Variants in CNIH3 observed in about 807,000 individuals in gnomAD.
CNIH3 encodes protein cornichon homolog 3.
CNIH3 carries 14 observed loss-of-function variants against 24.1 expected under a neutral mutation model. The ratio of observed to expected loss-of-function variants is 0.58; its 90% CI spans 0.38 to 0.91. The LOEUF is 0.91. Among genes scored for constraint, CNIH3 ranks in the 40% least tolerant of loss-of-function variants. The pLI, the probability that CNIH3 is intolerant of heterozygous loss-of-function variation, is 0.00. For synonymous variants in CNIH3, 68 were observed against 73.8 expected (o/e 0.92, Z 0.40); for missense variants, 178 against 196.8 (o/e 0.90, Z 0.57).
In CNIH3 at chr1:224,616,366, G is replaced by C. The variant is rs917800472; in HGVS notation, c.-809G>C. On this transcript the variant is annotated 5_prime_UTR_variant, in exon 1 of 6. Coordinates refer to ENST00000272133, the MANE Select transcript of CNIH3 (RefSeq NM_152495.2). ...GCGGCGGCAGCGGCAGCAGCAGGTG[G>C]AGCGAGCTACAGCGTTTGGCCTGAA... 3.0e-6 allele frequency: 2 copies of C among 667,438 alleles called. No individual in the cohort carries two copies. The highest frequency in any genetic ancestry group is 3.8e-6 in the Non-Finnish European group (2 of 522,102). The allele number at this position is 667,438 out of a possible 1,614,324, so 41.3% of individuals were successfully genotyped here.
intron 5 of CNIH3, among the ~76,000 whole-genome samples, chr1:224,584,999 C>T (rs950768680): frequency 1.3e-5 from 2 of 152,208 alleles, no homozygotes; most frequent in African/African-American, 4.8e-5. Context: ...AGCATGAATT[C>T]ATGTGAAAAA....
chr1:224,686,977 C>T (rs557026221), intron 3 of CNIH3, among the ~76,000 whole-genome samples: 1 of 152,362 alleles, frequency 6.6e-6, no homozygotes, highest in South Asian at 2.1e-4. Flanking sequence ...TTTGTACATG[C>T]TCCTTTTTCC....
intron 1 of CNIH3, among the ~76,000 whole-genome samples, chr1:224,674,581 C>T (rs1686043905): frequency 6.6e-6 from 1 of 151,988 alleles, no homozygotes; most frequent in Admixed American, 6.5e-5. Context: ...CAGTGAGCTT[C>T]CATGGATAGT....
At chr1:224,571,704 G>A (rs551425671) in intron 4 of CNIH3, among the ~76,000 whole-genome samples, 2 of 152,094 alleles carry the variant, frequency 1.3e-5, no homozygotes, top group African/African-American at 4.8e-5. Flanking sequence ...CAGCCTTGGC[G>A]ACAGAGTGAG....
Position 224,568,106 on chromosome 1 carries a change from A to G in CNIH3, n.516+1842A>G, listed in dbSNP as rs914843967. Among the ~76,000 whole-genome samples, 3 of 152,296 alleles carry G rather than the reference A, an allele frequency of 2.0e-5. No individual in the cohort carries two copies. In the South Asian group the frequency reaches 6.2e-4, roughly 32 times the overall value. On this transcript the variant is annotated intron_variant and non_coding_transcript_variant, in intron 4 of 5. Coordinates refer to the CNIH3 transcript ENST00000471578. ...GGAGATCAAGACCATCCTGGCCAAC[A>G]TGGTAAAACCCCGTCTTTACTAAAA... is the stretch of plus-strand genomic sequence containing the variant.
chr1:224,585,022 A>G (rs1464493398), intron 5 of CNIH3, among the ~76,000 whole-genome samples: 1 of 152,242 alleles, frequency 6.6e-6, no homozygotes, highest in Non-Finnish European at 1.5e-5. Context: ...CTTGAAGAGC[A>G]TTCAGTTTTC....
chr1:224,475,507 T>C (rs7546145), intron 1 of CNIH3, among the ~76,000 whole-genome samples: 149,532 of 152,308 alleles, frequency 0.98, 73,452 homozygotes, highest in East Asian at 1. Flanking sequence ...AATTCCTAGA[T>C]ACATACAACC....
chr1:224,447,800 C>A (rs1316110072), intron 1 of CNIH3, among the ~76,000 whole-genome samples: 1 of 152,202 alleles, frequency 6.6e-6, no homozygotes, highest in African/African-American at 2.4e-5. Context: ...GCTTTAGGCA[C>A]TATTCTAAGT....
chr1:224,495,036 G>T (rs1245553156), intron 1 of CNIH3, among the ~76,000 whole-genome samples: 1 of 152,124 alleles, frequency 6.6e-6, no homozygotes, highest in Non-Finnish European at 1.5e-5. Flanking sequence ...ATACACGCAT[G>T]CACACATGCA....
At chr1:224,621,595 C>T (rs566724489) in intron 1 of CNIH3, among the ~76,000 whole-genome samples, 7 of 152,316 alleles carry the variant, frequency 4.6e-5, no homozygotes, top group Non-Finnish European at 8.8e-5. Context: ...CTCCATCCCC[C>T]TTTTATCTCC....
chr1:224,588,968 G>GTTTTTTTTTTTTTTTT (rs974335950), downstream of CNIH3, among the ~76,000 whole-genome samples: 6 of 112,344 alleles, frequency 5.3e-5, no homozygotes, highest in Admixed American at 9.8e-5. Flanking sequence ...CTGACCCCCT[G>GTTTTTTTTTTTTTTTT]TTTTTTTTTT....
intron 1 of CNIH3, among the ~76,000 whole-genome samples, chr1:224,484,627 C>A (rs1168997045): frequency 6.6e-6 from 1 of 152,112 alleles, no homozygotes; most frequent in Non-Finnish European, 1.5e-5. Flanking sequence ...ATGTCCCCAT[C>A]TCTCCTACCT....
intron 1 of CNIH3, among the ~76,000 whole-genome samples, chr1:224,627,824 C>T (rs1683614899): frequency 6.6e-6 from 1 of 152,188 alleles, no homozygotes; most frequent in African/African-American, 2.4e-5. Flanking sequence ...CTGCTTTCTG[C>T]CACTGCCACG....
intron 5 of CNIH3, among the ~76,000 whole-genome samples, chr1:224,588,114 C>T (rs993362985): frequency 6.6e-6 from 1 of 152,030 alleles, no homozygotes; most frequent in African/African-American, 2.4e-5. Flanking sequence ...GTGTTTCCCA[C>T]CCACCCCCAT....
rs138181101 is a variant in CNIH3 at position 224,730,227 on chromosome 1, T to C, written c.199-235T>C. 749 of 478,366 alleles carry C rather than the reference T, an allele frequency of 1.6e-3. 5 individuals are homozygous for C. Among genetic ancestry groups the C allele is most frequent in the African/African-American group, 0.013 (693 of 51,906 alleles). The allele number at this position is 478,366 out of a possible 1,614,324, so 29.6% of individuals were successfully genotyped here. A position where few individuals can be genotyped will look rare whatever the true frequency, so the allele number is the denominator to read the frequency against. ...GTGGTATTCTGTTAATAGTAAGCAGTGCACTGAGGGCTTGTGTCATTTGGG... is the reference window on the plus strand; with the variant it reads ...GTGGTATTCTGTTAATAGTAAGCAGCGCACTGAGGGCTTGTGTCATTTGGG... On this transcript the variant is annotated intron_variant, in intron 3 of 5. Transcript: ENST00000272133.
chr1:224,500,811 C>G (rs1677625783), intron 1 of CNIH3, among the ~76,000 whole-genome samples: 1 of 152,192 alleles, frequency 6.6e-6, no homozygotes, highest in Admixed American at 6.5e-5. Flanking sequence ...GAGTGGCTAC[C>G]TGCTGCACGA....
At chr1:224,525,224 G>A (rs1276386093) in intron 2 of CNIH3, among the ~76,000 whole-genome samples, 1 of 152,164 alleles carries the variant, frequency 6.6e-6, no homozygotes, top group Non-Finnish European at 1.5e-5. Context: ...ACCAGCTATG[G>A]GAAATGCACA....
chr1:224,506,951 T>A (rs1454689204), intron 1 of CNIH3, among the ~76,000 whole-genome samples: 1 of 152,030 alleles, frequency 6.6e-6, no homozygotes. Flanking sequence ...CAGCCTCAAC[T>A]TCTTGGGGCT....
rs1215040561 is a variant in CNIH3 at position 224,504,949 on chromosome 1, G to A, written n.204-10792G>A. ...ATGCCACTGAGTGTTTAATATGAACGTTTTTATTCCCTGACTTGAGTGTAA... is the reference window on the plus strand; with the variant it reads ...ATGCCACTGAGTGTTTAATATGAACATTTTTATTCCCTGACTTGAGTGTAA... On this transcript the variant is annotated intron_variant and non_coding_transcript_variant, in intron 1 of 5. Coordinates refer to the CNIH3 transcript ENST00000471578. 4.7e-5 allele frequency among the ~76,000 whole-genome samples: 7 copies of A among 148,796 alleles called. No homozygotes were observed. In the South Asian group the frequency reaches 8.5e-4, roughly 18 times the overall value.
Sources: allele counts gnomAD v4.1 joint callset (sites outside exome capture counted in the v4.1 genomes callset), GRCh38; gene constraint gnomAD v4.1.1; transcripts MANE v1.5; gene names NCBI Gene and HGNC (gene_info 2026-07-23, HGNC 2026-07-21).